The following WDR33 variants were observed in gnomAD, a reference collection of about 807,000 sequenced individuals.
WDR33 encodes the protein pre-mRNA 3' end processing protein WDR33.
In WDR33, 47 loss-of-function variants were observed where a neutral mutation model predicts 164.9. The ratio of observed to expected loss-of-function variants is 0.29; its 90% confidence interval spans 0.23 to 0.36. WDR33 has a LOEUF of 0.36. Among genes scored for constraint, WDR33 ranks in the 10% least tolerant of loss-of-function variants. The pLI, the probability that WDR33 is intolerant of heterozygous loss-of-function variation, is 1.00. For missense variants in WDR33, 1,137 were observed against 1,754.1 expected, an observed-to-expected ratio of 0.65 and a Z score of 6.28; for synonymous variants, 505 against 589.0, an observed-to-expected ratio of 0.86 and a Z score of 2.06.
In WDR33 at chr2:127,717,106, C is replaced by T; in HGVS notation, c.2869+49G>A. ...ACAAAATTATTCACTGTAAAATGTG[C>T]ACAAAGGTGGTAGAATATAATCTTT... On this transcript the variant is annotated intron_variant, in intron 17 of 21. Transcript: ENST00000322313. The surrounding 1 kb of genome is among the most constrained non-coding windows in gnomAD (Gnocchi z 5.6). The T allele has an allele frequency of 6.5e-7, 1 of 1,533,094 alleles. No individual in the cohort carries two copies. Among genetic ancestry groups the T allele is most frequent in the Non-Finnish European group, 8.9e-7 (1 of 1,128,240 alleles). The allele number at this position is 1,533,094 out of a possible 1,614,324, so 95.0% of individuals were successfully genotyped here.
intron 7 of WDR33, among the ~76,000 whole-genome samples, chr2:127,745,941 C>G (rs1307330102): frequency 6.6e-6 from 1 of 151,138 alleles, no homozygotes; most frequent in Non-Finnish European, 1.5e-5. Flanking sequence ...AGGAGAATTA[C>G]TTGAGCCCTG....
intron 7 of WDR33, chr2:127,736,378 C>T: frequency 8.1e-6 from 8 of 985,272 alleles, no homozygotes; most frequent in Non-Finnish European, 9.6e-6. Context: ...ATGAGTGTTG[C>T]AAAATGTAAG....
chr2:127,749,377 T>C (rs955023112), intron 7 of WDR33, among the ~76,000 whole-genome samples: 1 of 151,756 alleles, frequency 6.6e-6, no homozygotes, highest in Non-Finnish European at 1.5e-5. Flanking sequence ...AGAAACACCA[T>C]AAGGGCAGGT....
chr2:127,788,026 C>A (rs1688661830), intron 1 of WDR33, among the ~76,000 whole-genome samples: 1 of 80,918 alleles, frequency 1.2e-5, no homozygotes, highest in African/African-American at 6.7e-5. Context: ...GGGGCTGACA[C>A]CCCCCACCTC....
chr2:127,799,624 A>G (rs537956186), intron 1 of WDR33, among the ~76,000 whole-genome samples: 15 of 152,268 alleles, frequency 9.9e-5, no homozygotes, highest in African/African-American at 1.4e-4. Flanking sequence ...GCGAAACCCC[A>G]TATCTACTAA....
rs1687004663 is a variant in WDR33 at position 127,741,209 on chromosome 2, T to C, written c.725-14432A>G. ...CACATTTCAGTCTGGGAAGAAACCC[T>C]AGAGCAGGATTTGAGGCTGAAGAGT... On this transcript the variant is annotated intron_variant, in intron 7 of 21. Coordinates refer to ENST00000322313, the MANE Select transcript of WDR33 (RefSeq NM_018383.5). The surrounding 1 kb of genome is among the most constrained non-coding windows in gnomAD (Gnocchi z 4.1). Among the ~76,000 whole-genome samples, 1 of 152,110 alleles carries C rather than the reference T, an allele frequency of 6.6e-6. No homozygotes were observed. Among genetic ancestry groups the C allele is most frequent in the Admixed American group, 6.6e-5 (1 of 15,266 alleles).
At chr2:127,786,453 C>T (rs145385811) in intron 1 of WDR33, among the ~76,000 whole-genome samples, 2 of 152,206 alleles carry the variant, frequency 1.3e-5, no homozygotes, top group Non-Finnish European at 1.5e-5. Flanking sequence ...GAGGCTGAGG[C>T]AGACGGATCA....
chr2:127,731,294 CAA>C (rs35161101), intron 7 of WDR33, among the ~76,000 whole-genome samples: 17,737 of 69,592 alleles, frequency 0.25, 453 homozygotes, highest in South Asian at 0.28. Context: ...GACCCTGCCT[CAA>C]AAAAAAAAAA....
At chr2:127,782,659 A>C (rs1382621764) in intron 1 of WDR33, among the ~76,000 whole-genome samples, 2 of 152,234 alleles carry the variant, frequency 1.3e-5, no homozygotes, top group African/African-American at 4.8e-5. Flanking sequence ...TAGTACAACA[A>C]CTATTTACAC....
At chr2:127,803,572 TAAATA>T (rs1689326641) in intron 1 of WDR33, among the ~76,000 whole-genome samples, 1 of 151,866 alleles carries the variant, frequency 6.6e-6, no homozygotes, top group African/African-American at 2.4e-5. Flanking sequence ...TCTCAAAAAA[TAAATA>T]AAATAAAATA....
chr2:127,778,449 A>G (rs1688261218), intron 1 of WDR33, among the ~76,000 whole-genome samples: 1 of 151,608 alleles, frequency 6.6e-6, no homozygotes, highest in East Asian at 1.9e-4. Context: ...GAAAAAAAAA[A>G]AAAAGAAAAA....
intron 7 of WDR33, among the ~76,000 whole-genome samples, chr2:127,755,592 G>A (rs1301819379): frequency 6.6e-6 from 1 of 152,156 alleles, no homozygotes; most frequent in East Asian, 1.9e-4. Context: ...CCAAGCCTGC[G>A]CGTGCATGCA....
chr2:127,730,462 T>C (rs1306827455), intron 7 of WDR33, among the ~76,000 whole-genome samples: 1 of 148,862 alleles, frequency 6.7e-6, no homozygotes, highest in Non-Finnish European at 1.5e-5. Flanking sequence ...TTTAAGTGGA[T>C]TAAAAAAAAA....
rs1686476381 is a variant in WDR33, at chr2:127,722,942, G to C, written c.1378+16C>G. 2 of 1,589,970 alleles carry C rather than the reference G, an allele frequency of 1.3e-6. No individual in the cohort carries two copies. Among genetic ancestry groups the C allele is most frequent in the African/African-American group, 1.4e-5 (1 of 73,510 alleles). ...AAATTTGTAAAAATTAAATGTGTCT[G>C]TGTAACTTCTCTTACCCATCTGTTC... On this transcript the variant is annotated intron_variant, in intron 13 of 21. Transcript: ENST00000322313. This position sits in a 1 kb window ranked among gnomAD's most constrained non-coding sequence, Gnocchi z 5.1.
intron 1 of WDR33, among the ~76,000 whole-genome samples, chr2:127,795,061 G>T (rs1335339852): frequency 2.0e-5 from 3 of 150,406 alleles, no homozygotes; most frequent in East Asian, 1.9e-4. Context: ...GGTGAACATG[G>T]AATCTGTACA....
chr2:127,788,174 G>A (rs1268344400), intron 1 of WDR33, among the ~76,000 whole-genome samples: 1 of 110,658 alleles, frequency 9.0e-6, no homozygotes. Context: ...CCTCCCAGAC[G>A]GGGCGGCTGG....
At chr2:127,762,845 T>C in intron 7 of WDR33, 1 of 1,361,906 alleles carries the variant, frequency 7.3e-7, no homozygotes, top group Non-Finnish European at 9.5e-7. Context: ...TGTATTTAAT[T>C]TACAGCTGAA....
In WDR33 at chr2:127,704,687, A is replaced by G. The variant is rs1478254887; in HGVS notation, c.*1636T>C. On this transcript the variant is annotated 3_prime_UTR_variant, in exon 22 of 22. Transcript: ENST00000322313. ...TATGGCTGACATTTTCTCACTCCACAGAAATCAATTAGCTTTTGCTGTTTT... is the reference window on the plus strand; with the variant it reads ...TATGGCTGACATTTTCTCACTCCACGGAAATCAATTAGCTTTTGCTGTTTT... 1 of 167,132 alleles carries G rather than the reference A, an allele frequency of 6.0e-6. No individual in the cohort carries two copies. Among genetic ancestry groups the G allele is most frequent in the Non-Finnish European group, 1.5e-5 (1 of 68,132 alleles). 10.4% of individuals were successfully genotyped at this position (167,132 alleles called of 1,614,324 possible).
At chr2:127,787,996 G>C (rs1354444948) in intron 1 of WDR33, among the ~76,000 whole-genome samples, 1 of 69,728 alleles carries the variant, frequency 1.4e-5, no homozygotes, top group African/African-American at 8.6e-5. Context: ...CCTCCCGGAC[G>C]GGTTGGCTGG....
Sources: allele counts gnomAD v4.1 joint callset (sites outside exome capture counted in the v4.1 genomes callset), GRCh38; gene constraint gnomAD v4.1.1; non-coding constraint Gnocchi (gnomAD v3.1); transcripts MANE v1.5; gene names NCBI Gene and HGNC (gene_info 2026-07-23, HGNC 2026-07-21).